XKR9: variants seen among roughly 807,000 people sequenced by gnomAD.
The protein encoded by XKR9 is XK related 9, also known as XK-related protein 9.
XKR9 carries 32 observed loss-of-function variants against 32.0 expected under a neutral mutation model. The ratio of observed to expected loss-of-function variants is 1.00; its 90% CI spans 0.76 to 1.34. The LOEUF (loss-of-function observed/expected upper bound fraction) is 1.34. Ranked by LOEUF, XKR9 falls within the 40% of genes most tolerant of loss-of-function variation. The pLI, the probability that XKR9 is intolerant of heterozygous loss-of-function variation, is 0.00. For synonymous variants in XKR9, 168 were observed against 143.4 expected (o/e 1.17, Z -1.22); for missense variants, 546 against 429.7 (o/e 1.27, Z -2.39).
At chr8:70,788,031 C>A (rs1807711467) in intron 2 of XKR9, among the ~76,000 whole-genome samples, 1 of 151,980 alleles carries the variant, frequency 6.6e-6, no homozygotes, top group African/African-American at 2.4e-5. Context: ...TTTGAATATC[C>A]AAACTTCAAC....
At chr8:70,995,447 A>T in the XKR9 span, among the ~76,000 whole-genome samples, 2 of 152,184 alleles carry the variant, frequency 1.3e-5, no homozygotes, top group African/African-American at 4.8e-5. Context: ...TTCATTTGCA[A>T]TTCTGTGATA....
intron 2 of XKR9, among the ~76,000 whole-genome samples, chr8:70,747,632 C>T (rs2130176690): frequency 6.6e-6 from 1 of 152,250 alleles, no homozygotes; most frequent in Non-Finnish European, 1.5e-5. Context: ...ACATTTGTTT[C>T]TTTATAAATT....
At chr8:70,792,156 T>C (rs1426070606), downstream of XKR9, among the ~76,000 whole-genome samples, 1 of 152,074 alleles carries the variant, frequency 6.6e-6, no homozygotes, top group African/African-American at 2.4e-5. Context: ...TCATGCAGAG[T>C]ACAATAGCTT....
chr8:70,742,305 C>T (rs1171354396), intron 2 of XKR9, among the ~76,000 whole-genome samples: 1 of 152,142 alleles, frequency 6.6e-6, no homozygotes, highest in African/African-American at 2.4e-5. Context: ...CTTCGGTTTA[C>T]CTTGGGCACA....
intron 2 of XKR9, among the ~76,000 whole-genome samples, chr8:70,748,797 C>T (rs966549928): frequency 2.2e-4 from 34 of 152,312 alleles, no homozygotes; most frequent in African/African-American, 8.2e-4. Flanking sequence ...TCCAGGCTTG[C>T]CCATGGCTGC....
At chr8:70,687,447 A>G (rs1819339103) in intron 3 of XKR9, among the ~76,000 whole-genome samples, 1 of 150,350 alleles carries the variant, frequency 6.7e-6, no homozygotes, top group African/African-American at 2.5e-5. Context: ...ATAGCTCATT[A>G]TAACCTCGAA....
At chr8:70,850,677 T>C in the XKR9 span, among the ~76,000 whole-genome samples, 97 of 152,048 alleles carry the variant, frequency 6.4e-4, no homozygotes, top group African/African-American at 2.3e-3. Flanking sequence ...ACAGAATCAA[T>C]GACAAAACCA....
intron 2 of XKR9, among the ~76,000 whole-genome samples, chr8:70,776,917 CTTTCTT>C (rs1179320856): frequency 8.4e-5 from 8 of 95,190 alleles, no homozygotes; most frequent in Middle Eastern, 4.7e-3. Flanking sequence ...CAGGTTTTCT[CTTTCTT>C]TCTCTCTCTC....
At chr8:70,796,916 T>A in the XKR9 span, among the ~76,000 whole-genome samples, 39 of 152,278 alleles carry the variant, frequency 2.6e-4, 1 homozygote, top group African/African-American at 9.1e-4. Context: ...GTGGCAGATA[T>A]GTGTGTATTG....
the XKR9 span, among the ~76,000 whole-genome samples, chr8:70,960,120 C>T: frequency 6.2e-4 from 94 of 152,084 alleles, no homozygotes; most frequent in African/African-American, 2.2e-3. Context: ...TGGTGCATGC[C>T]TGTAATCCAA....
At chr8:70,796,272 C>A in the XKR9 span, among the ~76,000 whole-genome samples, 1 of 151,966 alleles carries the variant, frequency 6.6e-6, no homozygotes, top group Non-Finnish European at 1.5e-5. Flanking sequence ...TTCATATGTA[C>A]CAGATTTTGA....
the XKR9 span, among the ~76,000 whole-genome samples, chr8:70,869,500 GA>G: frequency 2.6e-5 from 4 of 152,092 alleles, no homozygotes; most frequent in East Asian, 7.7e-4. Context: ...GAATAGCACA[GA>G]AAAAACCTGC....
At chr8:70,945,795 G>A in the XKR9 span, among the ~76,000 whole-genome samples, 1 of 152,116 alleles carries the variant, frequency 6.6e-6, no homozygotes. Flanking sequence ...TATTCTTTTG[G>A]AGGCTGCAGC....
At chr8:70,943,715 G>A in the XKR9 span, among the ~76,000 whole-genome samples, 1 of 151,976 alleles carries the variant, frequency 6.6e-6, no homozygotes, top group Non-Finnish European at 1.5e-5. Context: ...TCCTGGGCTG[G>A]GAGCTTGGAG....
chr8:70,896,340 T>C, the XKR9 span, among the ~76,000 whole-genome samples: 1 of 152,176 alleles, frequency 6.6e-6, no homozygotes, highest in Non-Finnish European at 1.5e-5. Context: ...TGGACCTGGA[T>C]TTTATAGAAA....
chr8:70,693,780 G>A (rs1805159371), intron 3 of XKR9, among the ~76,000 whole-genome samples: 1 of 152,166 alleles, frequency 6.6e-6, no homozygotes, highest in African/African-American at 2.4e-5. Context: ...GAAATTGGTT[G>A]GCCTCTTCTC....
In XKR9 at chr8:70,733,949, G is replaced by A; in HGVS notation, c.647G>A (p.Trp216Ter). 3 of 1,612,564 alleles carry A rather than the reference G, an allele frequency of 1.9e-6. No individual in the cohort carries two copies. Among genetic ancestry groups the A allele is most frequent in the Non-Finnish European group, 2.5e-6 (3 of 1,179,598 alleles). ...TACAAGTTGTTTACATTATTATCGT[G>A]GATGCTGAGTGTTGTACTTCTACTA... The part of the protein sequence containing the change: ...LFYKLFTLLS[W>*]MLSVVLLLFL... The change falls in exon 5 of 5, where the codon TGG becomes TAG. Residue 216 changes from tryptophan (W) to a stop codon, truncating the protein, a stop_gained. Transcript: ENST00000408926. LOFTEE classifies it high-confidence loss of function.
chr8:70,829,711 G>C, the XKR9 span, among the ~76,000 whole-genome samples: 1 of 152,140 alleles, frequency 6.6e-6, no homozygotes, highest in Non-Finnish European at 1.5e-5. Context: ...GCCTCCCAAA[G>C]GGCTGGGATT....
the XKR9 span, among the ~76,000 whole-genome samples, chr8:70,869,966 T>A: frequency 6.6e-6 from 1 of 152,200 alleles, no homozygotes; most frequent in Admixed American, 6.6e-5. Flanking sequence ...TGTTTTATCC[T>A]CTTTCTATTG....
Sources: allele counts gnomAD v4.1 joint callset (sites outside exome capture counted in the v4.1 genomes callset), GRCh38; gene constraint gnomAD v4.1.1; transcripts MANE v1.5; gene names NCBI Gene and HGNC (gene_info 2026-07-23, HGNC 2026-07-21).